FOXP1: variants seen among roughly 807,000 people sequenced by gnomAD.
FOXP1 encodes forkhead box P1, also known as forkhead box protein P1.
Under a neutral mutation model 98.2 loss-of-function variants are expected in FOXP1, and 15 were observed. The observed-to-expected ratio is 0.15, with a 90% CI of 0.10 to 0.24. The LOEUF is 0.24. Among genes scored for constraint, FOXP1 ranks in the 10% least tolerant of loss-of-function variants. FOXP1 has a pLI of 1.00. For missense variants in FOXP1, 633 were observed against 848.5 expected (o/e 0.75, Z 3.15); for synonymous variants, 371 against 314.5 (o/e 1.18, Z -1.90).
chr3:71,013,742 T>A (rs2044017355), intron 12 of FOXP1, among the ~76,000 whole-genome samples: 1 of 152,106 alleles, frequency 6.6e-6, no homozygotes. Context: ...CTACCTGACT[T>A]CAAACTATAC....
chr3:71,232,954 C>T (rs2106789399), intron 5 of FOXP1, among the ~76,000 whole-genome samples: 1 of 146,256 alleles, frequency 6.8e-6, no homozygotes, highest in Admixed American at 6.9e-5. Flanking sequence ...CCACCACCAC[C>T]ACCACCACGA....
intron 6 of FOXP1, among the ~76,000 whole-genome samples, chr3:71,123,361 T>C (rs766445623): frequency 1.2e-4 from 18 of 152,222 alleles, no homozygotes; most frequent in Non-Finnish European, 2.5e-4. Flanking sequence ...CGCTGTGTTT[T>C]CACCTCTCTG....
intron 17 of FOXP1, among the ~76,000 whole-genome samples, chr3:70,976,613 C>T (rs1003344245): frequency 2.0e-5 from 3 of 152,156 alleles, no homozygotes; most frequent in Admixed American, 6.5e-5. Context: ...GAAGACCTAA[C>T]GGCATGAGGT....
intron 2 of FOXP1, among the ~76,000 whole-genome samples, chr3:71,566,904 A>AAC (rs1429493910): frequency 1.3e-5 from 2 of 151,826 alleles, no homozygotes; most frequent in Non-Finnish European, 2.9e-5. Flanking sequence ...CATCCCCTGA[A>AAC]ACACACACAC....
chr3:71,250,937 A>C (rs998217860), intron 5 of FOXP1, among the ~76,000 whole-genome samples: 1 of 152,222 alleles, frequency 6.6e-6, no homozygotes, highest in Non-Finnish European at 1.5e-5. Context: ...TCTCAAAAAA[A>C]AGAAAGAAAG....
chr3:71,240,466 T>C (rs1210671948), intron 5 of FOXP1, among the ~76,000 whole-genome samples: 3 of 152,252 alleles, frequency 2.0e-5, no homozygotes, highest in Non-Finnish European at 4.4e-5. Flanking sequence ...TGGGTGGTTT[T>C]TGGATAATCC....
intron 20 of FOXP1, among the ~76,000 whole-genome samples, chr3:70,960,125 T>G (rs778351532): frequency 2.6e-5 from 4 of 152,064 alleles, no homozygotes; most frequent in Non-Finnish European, 4.4e-5. Context: ...TTAATCAACT[T>G]CAAGCAAACA....
chr3:71,015,702 C>A, intron 11 of FOXP1, 49 bp from the exon 12 acceptor site: 1 of 1,308,750 alleles, frequency 7.6e-7, no homozygotes, highest in Non-Finnish European at 1.1e-6. Context: ...CTGCCAAGAA[C>A]CATTCCACCA....
intron 3 of FOXP1, among the ~76,000 whole-genome samples, chr3:71,378,540 T>A (rs971241334): frequency 1.3e-5 from 2 of 152,208 alleles, no homozygotes; most frequent in African/African-American, 4.8e-5. Context: ...ACACTGACTG[T>A]CCACTGGTCA....
At chr3:70,969,945 C>T (rs3773499) in intron 19 of FOXP1, 2,345 of 152,382 alleles carry the variant, frequency 0.015, 54 homozygotes, top group East Asian at 0.063. Context: ...TTGAGTACTA[C>T]ACCCAGGTAC....
At chr3:71,026,879 C>T (rs2046192548) in intron 11 of FOXP1, among the ~76,000 whole-genome samples, 1 of 152,126 alleles carries the variant, frequency 6.6e-6, no homozygotes, top group Admixed American at 6.5e-5. Context: ...GCAAACAGAG[C>T]AGGTGATGAC....
chr3:71,164,857 CT>C (rs1417761802), intron 6 of FOXP1, among the ~76,000 whole-genome samples: 2 of 152,234 alleles, frequency 1.3e-5, no homozygotes, highest in Non-Finnish European at 2.9e-5. Context: ...AATGTCCCCC[CT>C]CTTCCTACAT....
intron 18 of FOXP1, 49 bp from the exon 19 acceptor site, chr3:70,970,854 G>A (rs375822323): frequency 1.8e-5 from 25 of 1,411,844 alleles, no homozygotes; most frequent in Non-Finnish European, 2.3e-5. Flanking sequence ...GTCGACTGCT[G>A]AGTTCCTAGC....
At chr3:70,982,760 T>G (rs947438566) in intron 14 of FOXP1, among the ~76,000 whole-genome samples, 2 of 152,200 alleles carry the variant, frequency 1.3e-5, no homozygotes, top group South Asian at 4.2e-4. Flanking sequence ...TGTTTAAAGA[T>G]GATGAGTCAC....
chr3:70,997,853 GTGGATGGATGAATGGATGTC>G (rs1253159172), intron 13 of FOXP1, among the ~76,000 whole-genome samples: 6 of 152,314 alleles, frequency 3.9e-5, no homozygotes, highest in Admixed American at 2.6e-4. Flanking sequence ...TGCTAAATAA[GTGGATGGATGAATGGATGTC>G]TGGGTGGATG....
At chr3:71,108,147 A>G (rs1029674301) in intron 7 of FOXP1, among the ~76,000 whole-genome samples, 15 of 152,250 alleles carry the variant, frequency 9.9e-5, no homozygotes, top group African/African-American at 3.6e-4. Context: ...ACTGTAAGCA[A>G]CACACAAAGT....
At chr3:70,966,601 T>C (rs2034840100) in intron 19 of FOXP1, among the ~76,000 whole-genome samples, 1 of 152,200 alleles carries the variant, frequency 6.6e-6, no homozygotes, top group Admixed American at 6.5e-5. Context: ...TCATTTCTGT[T>C]TTAATGATTT....
chr3:71,319,827 G>A (rs538274727), intron 4 of FOXP1, among the ~76,000 whole-genome samples: 60 of 152,132 alleles, frequency 3.9e-4, no homozygotes, highest in Admixed American at 1.0e-3. Context: ...CCTCTTCTCC[G>A]CCAATCTGGT....
intron 18 of FOXP1, chr3:70,972,246 C>G (rs769738624): frequency 1.3e-5 from 17 of 1,339,666 alleles, no homozygotes; most frequent in Non-Finnish European, 1.7e-5. Context: ...GGGGGCAGAA[C>G]AGACATCCAA....
Sources: allele counts gnomAD v4.1 joint callset (sites outside exome capture counted in the v4.1 genomes callset), GRCh38; gene constraint gnomAD v4.1.1; transcripts MANE v1.5; gene names NCBI Gene and HGNC (gene_info 2026-07-23, HGNC 2026-07-21).